The following UTRN variants were observed in gnomAD, a reference collection of about 807,000 sequenced individuals.
UTRN encodes the protein dystrophin-related protein 1.
A neutral mutation model predicts 463.9 loss-of-function variants in UTRN; 283 were observed. The ratio of observed to expected loss-of-function variants is 0.61; its 90% CI spans 0.55 to 0.67. The LOEUF is 0.67. Ranked by LOEUF, UTRN falls within the 30% of genes least tolerant of loss-of-function variation. The pLI is 0.00. For synonymous variants in UTRN, 1,442 were observed against 1,431.5 expected, an observed-to-expected ratio of 1.01 and a Z score of -0.17; for missense variants, 3,922 against 4,084.3, an observed-to-expected ratio of 0.96 and a Z score of 1.08.
At chr6:144,420,676 C>T (rs1268928659) in intron 3 of UTRN, among the ~76,000 whole-genome samples, 1 of 152,090 alleles carries the variant, frequency 6.6e-6, no homozygotes, top group Non-Finnish European at 1.5e-5. Flanking sequence ...ATTGTTAAGC[C>T]CAAAGTGCCT....
chr6:144,346,638 T>C (rs1777592364), intron 2 of UTRN, among the ~76,000 whole-genome samples: 1 of 152,122 alleles, frequency 6.6e-6, no homozygotes, highest in Non-Finnish European at 1.5e-5. Flanking sequence ...GCCTGGCCAA[T>C]GTGGTGAAAC....
rs1803582050 is a variant in UTRN, at chr6:144,285,392, C to A, written c.-522C>A. Among the ~76,000 whole-genome samples, 1 of 152,190 alleles carries A rather than the reference C, an allele frequency of 6.6e-6. No homozygotes were observed. The highest frequency in any genetic ancestry group is 2.1e-4 in the South Asian group (1 of 4,832). On this transcript the variant is annotated 5_prime_UTR_variant, in exon 1 of 75. Coordinates refer to ENST00000367545, the MANE Select transcript of UTRN (RefSeq NM_007124.3). The stretch of plus-strand genomic sequence containing the variant: ...CAGCCGGCCGCGGGCTTTCTCCCGC[C>A]GAGGGGCGAGGAGGAGCCTCTGGCT...
intron 58 of UTRN, among the ~76,000 whole-genome samples, chr6:144,762,296 G>A (rs1792791103): frequency 6.6e-6 from 1 of 152,168 alleles, no homozygotes; most frequent in Admixed American, 6.5e-5. Flanking sequence ...AATATTAGTT[G>A]AGTCAGAGGA....
At chr6:144,616,534 G>GT (rs34068161) in intron 51 of UTRN, among the ~76,000 whole-genome samples, 1 of 137,376 alleles carries the variant, frequency 7.3e-6, no homozygotes. Context: ...TTGTCTGATA[G>GT]TTTTTTTTTT....
intron 1 of UTRN, among the ~76,000 whole-genome samples, chr6:144,287,750 G>A (rs997657244): frequency 6.6e-6 from 1 of 152,278 alleles, no homozygotes; most frequent in African/African-American, 2.4e-5. Flanking sequence ...GAAGCGTTCT[G>A]AAGGGAGAGT....
intron 47 of UTRN, among the ~76,000 whole-genome samples, chr6:144,549,763 G>T (rs7772124): frequency 6.6e-6 from 1 of 152,188 alleles, no homozygotes; most frequent in Non-Finnish European, 1.5e-5. Context: ...ATAAAGTCAT[G>T]TGGTACAGGA....
rs750727678 is a variant in UTRN at position 144,487,707 on chromosome 6, G to T, written c.3972+10G>T. ...AGATCTAAGTCACCTGGTAAGAGTT[G>T]GGACATACATGGGTGTTGATTAGGT... is the stretch of plus-strand genomic sequence containing the variant. On this transcript the variant is annotated intron_variant, in intron 29 of 74. Transcript: ENST00000367545. The T allele has an allele frequency of 5.0e-6, 8 of 1,604,178 alleles. No individual in the cohort carries two copies. The highest frequency in any genetic ancestry group is 4.3e-6 in the Non-Finnish European group (5 of 1,174,336).
chr6:144,575,709 A>G (rs1054220695), intron 50 of UTRN, among the ~76,000 whole-genome samples: 3 of 152,184 alleles, frequency 2.0e-5, no homozygotes, highest in Admixed American at 6.5e-5. Flanking sequence ...CATGGTATAT[A>G]TAAGGTTTGG....
chr6:144,591,757 T>C (rs1010854372), intron 51 of UTRN, among the ~76,000 whole-genome samples: 3 of 152,072 alleles, frequency 2.0e-5, no homozygotes, highest in Admixed American at 6.6e-5. Context: ...AATCCGAATT[T>C]AGTATTCTTG....
chr6:144,355,877 A>C (rs1389748179), intron 2 of UTRN, among the ~76,000 whole-genome samples: 4 of 152,214 alleles, frequency 2.6e-5, no homozygotes, highest in Non-Finnish European at 5.9e-5. Context: ...AAGATTTATA[A>C]ATTTATAGAT....
At chr6:144,819,190 A>G (rs1226268655) in intron 65 of UTRN, among the ~76,000 whole-genome samples, 2 of 152,138 alleles carry the variant, frequency 1.3e-5, no homozygotes, top group African/African-American at 4.8e-5. Context: ...TGTCAGTGTA[A>G]AAACTGATGA....
At chr6:144,772,179 G>A (rs757817519) in intron 59 of UTRN, among the ~76,000 whole-genome samples, 5 of 150,964 alleles carry the variant, frequency 3.3e-5, no homozygotes, top group Admixed American at 2.0e-4. Flanking sequence ...GACTACAGGC[G>A]CCCGCCGCCA....
At position 144,532,029 on chromosome 6, in the gene UTRN, C is replaced by T. The variant is rs142562336; in HGVS notation, c.6057+827C>T. Among the ~76,000 whole-genome samples the T allele has an allele frequency of 2.7e-3, 404 of 152,152 alleles. 3 individuals are homozygous for T. The highest frequency in any genetic ancestry group is 8.9e-3 in the African/African-American group (371 of 41,492). On this transcript the variant is annotated intron_variant, in intron 42 of 74. Transcript: ENST00000367545. ...GAACGCACCTGCAGTCCCAGCTACTCAGGAGGCTGAGGCAGGAGAATTGCT... is the reference window on the plus strand; with the variant it reads ...GAACGCACCTGCAGTCCCAGCTACTTAGGAGGCTGAGGCAGGAGAATTGCT...
chr6:144,442,959 A>C (rs1186074002), intron 13 of UTRN, among the ~76,000 whole-genome samples: 1 of 152,216 alleles, frequency 6.6e-6, no homozygotes, highest in African/African-American at 2.4e-5. Flanking sequence ...AATGTAAGAA[A>C]AATCATGTGC....
At chr6:144,827,311 G>C in intron 66 of UTRN, 37 bp from the exon 67 acceptor site, 1 of 1,612,166 alleles carries the variant, frequency 6.2e-7, no homozygotes, top group Non-Finnish European at 8.5e-7. Flanking sequence ...TAAAGTGTTT[G>C]TTCTGTGACT....
rs1004081814 is a variant in UTRN, at chr6:144,412,753, C to G, written c.142-9125C>G. On this transcript the variant is annotated intron_variant, in intron 3 of 74. Transcript: ENST00000367545. ...GTGTGTGTGTATATATATATATATACACACACCATACACACACACACACAC... is the reference window on the plus strand; with the variant it reads ...GTGTGTGTGTATATATATATATATAGACACACCATACACACACACACACAC... 1.7e-4 allele frequency among the ~76,000 whole-genome samples: 21 copies of G among 121,162 alleles called. No individual in the cohort carries two copies. The East Asian group carries it at 2.6e-3, about 15-fold the overall frequency. 79.5% of individuals were successfully genotyped at this position (121,162 alleles called of 152,430 possible).
At chr6:144,422,415 G>A (rs539250544) in intron 4 of UTRN, among the ~76,000 whole-genome samples, 12 of 152,298 alleles carry the variant, frequency 7.9e-5, no homozygotes, top group South Asian at 4.1e-4. Flanking sequence ...TCAGCAGTTC[G>A]AGACCAGCCT....
rs147322654 is a variant in UTRN at position 144,370,451 on chromosome 6, C to T, written c.80-32672C>T. Among the ~76,000 whole-genome samples, 33 of 152,326 alleles carry T rather than the reference C, an allele frequency of 2.2e-4. No individual in the cohort carries two copies. In the East Asian group the frequency reaches 4.1e-3, roughly 19 times the overall value. On this transcript the variant is annotated intron_variant, in intron 2 of 74. Transcript: ENST00000367545. ...GTCAAGAATTGAGGTTTGGGAACCT[C>T]CACTTAGATTTCAGAGGATGTATGG...
intron 12 of UTRN, 28 bp downstream of exon 12, chr6:144,438,923 C>G (rs762601708): frequency 1.2e-6 from 2 of 1,609,828 alleles, no homozygotes; most frequent in East Asian, 2.2e-5. Flanking sequence ...TTCTTCGATA[C>G]CTTATCAAAT....
Sources: gnomAD v4.1 joint callset for allele counts (sites outside exome capture counted in the v4.1 genomes callset) on GRCh38, gnomAD v4.1.1 for gene constraint, MANE v1.5 for transcripts, NCBI Gene and HGNC (gene_info 2026-07-23, HGNC 2026-07-21) for gene names.